DNAH14: variants seen among roughly 807,000 people sequenced by gnomAD.
The protein encoded by DNAH14 is dynein axonemal heavy chain 14.
Under a neutral mutation model 520.9 loss-of-function variants are expected in DNAH14, and 478 were observed. The ratio of observed to expected loss-of-function variants is 0.92; its 90% CI spans 0.85 to 0.99. DNAH14 has a LOEUF of 0.99. DNAH14 is among the 50% of genes least tolerant of loss of function. The pLI, the probability that DNAH14 is intolerant of heterozygous loss-of-function variation, is 0.00. For synonymous variants in DNAH14, 1,581 were observed against 1,757.2 expected, an observed-to-expected ratio of 0.90 and a Z score of 2.51; for missense variants, 4,831 against 5,234.5, an observed-to-expected ratio of 0.92 and a Z score of 2.38.
rs56104945 is a variant in DNAH14, at chr1:225,362,574, C to CAAAAAA, written c.11987+1693_11987+1698dup. Among the ~76,000 whole-genome samples, 9 of 120,962 alleles carry CAAAAAA rather than the reference C, an allele frequency of 7.4e-5. No individual in the cohort carries two copies. In the East Asian group the frequency reaches 1.2e-3, roughly 16 times the overall value. The allele number at this position is 120,962 out of a possible 152,430, so 79.4% of individuals were successfully genotyped here. A position where few individuals can be genotyped will look rare whatever the true frequency, so the allele number is the denominator to read the frequency against. ...TGGGCAACTGAGGAAGACTCAGTCTCAAAAAAAAAAAAAAATGCTCAGCAT... is the reference window on the plus strand; with the variant it reads ...TGGGCAACTGAGGAAGACTCAGTCTCAAAAAAAAAAAAAAAAAAAAATGCTCAGCAT... On this transcript the variant is annotated intron_variant, in intron 75 of 85. Transcript: ENST00000682510.
intron 17 of DNAH14, among the ~76,000 whole-genome samples, chr1:225,064,337 G>A (rs528322153): frequency 2.0e-5 from 3 of 152,100 alleles, no homozygotes; most frequent in South Asian, 4.1e-4. Context: ...ATGCAAAATG[G>A]TACAGTCACT....
chr1:225,209,369 C>A lies in DNAH14; in HGVS notation c.6439+2149C>A, dbSNP rs147209153. ...ACTTTAAATTTTCCATGCTCCTGTA[C>A]CTTTCCTGGCAATAGATTGCTGTTG... is the stretch of plus-strand genomic sequence containing the variant. On this transcript the variant is annotated intron_variant, in intron 41 of 85. Transcript: ENST00000682510. 5.1e-4 allele frequency among the ~76,000 whole-genome samples: 78 copies of A among 152,182 alleles called. No homozygotes were observed. In the East Asian group the frequency reaches 0.011, roughly 22 times the overall value.
chr1:225,356,593 A>T (rs1408167600), intron 73 of DNAH14, among the ~76,000 whole-genome samples: 1 of 152,198 alleles, frequency 6.6e-6, no homozygotes, highest in Non-Finnish European at 1.5e-5. Flanking sequence ...AATACAAAAT[A>T]CTGAATAATC....
intron 41 of DNAH14, among the ~76,000 whole-genome samples, chr1:225,211,640 A>G (rs993160456): frequency 1.3e-5 from 2 of 152,136 alleles, no homozygotes; most frequent in East Asian, 1.9e-4. Flanking sequence ...TTCAAGAAAT[A>G]CAGAGAACAA....
intron 10 of DNAH14, among the ~76,000 whole-genome samples, chr1:225,017,793 A>G (rs565838845): frequency 6.6e-6 from 1 of 152,248 alleles, no homozygotes; most frequent in African/African-American, 2.4e-5. Context: ...CATGCTGCCC[A>G]GGAGTGTTGA....
At position 225,272,081 on chromosome 1, in the gene DNAH14, T is replaced by C; in HGVS notation, c.7839+8T>C. The C allele has an allele frequency of 6.5e-7, 1 of 1,543,620 alleles. No homozygotes were observed. The highest frequency in any genetic ancestry group is 1.2e-5 in the South Asian group (1 of 82,854). The stretch of plus-strand genomic sequence containing the variant: ...CTTCGAGATATGTTTAAGGTTTGTT[T>C]TAATGTTCATTCTCTAGTTTATTTT... On this transcript the variant is annotated splice_region_variant and intron_variant, in intron 51 of 85. Transcript: ENST00000682510.
chr1:225,277,003 G>GAGGA lies in DNAH14; in HGVS notation c.8179-404_8179-403insAAGG, dbSNP rs1387457696. 9.8e-4 allele frequency among the ~76,000 whole-genome samples: 69 copies of GAGGA among 70,216 alleles called. 2 individuals are homozygous for GAGGA. In the East Asian group the frequency reaches 0.011, roughly 11 times the overall value. The allele number at this position is 70,216 out of a possible 152,430, so 46.1% of individuals were successfully genotyped here. A position where few individuals can be genotyped will look rare whatever the true frequency, so the allele number is the denominator to read the frequency against. On this transcript the variant is annotated intron_variant, in intron 53 of 85. Transcript: ENST00000682510. ...GAAGGAAGGGAGGGAGGAAGGAAGG[G>GAGGA]AGGGAGGGAGGGAGGGAGGGAGGGA...
intron 41 of DNAH14, among the ~76,000 whole-genome samples, chr1:225,209,842 A>C (rs1474249342): frequency 6.6e-6 from 1 of 152,180 alleles, no homozygotes; most frequent in Non-Finnish European, 1.5e-5. Context: ...AGTGTAGCCC[A>C]CAAAGGGCGA....
intron 60 of DNAH14, among the ~76,000 whole-genome samples, chr1:225,312,951 G>T (rs1314054997): frequency 6.6e-6 from 1 of 152,166 alleles, no homozygotes; most frequent in African/African-American, 2.4e-5. Flanking sequence ...GATGATGCTG[G>T]CCTCATAAAA....
intron 17 of DNAH14, among the ~76,000 whole-genome samples, chr1:225,071,941 G>A (rs2071598011): frequency 6.6e-6 from 1 of 152,118 alleles, no homozygotes; most frequent in Admixed American, 6.5e-5. Context: ...GTGAGATTTG[G>A]GTGGGGACAC....
intron 15 of DNAH14, among the ~76,000 whole-genome samples, chr1:225,047,268 A>G (rs2068049641): frequency 6.6e-6 from 1 of 152,060 alleles, no homozygotes; most frequent in South Asian, 2.1e-4. Context: ...TTTTCCTTAT[A>G]TCTAACTTTT....
chr1:225,372,483 T>C (rs1286390365), intron 77 of DNAH14, among the ~76,000 whole-genome samples: 1 of 152,132 alleles, frequency 6.6e-6, no homozygotes, highest in Non-Finnish European at 1.5e-5. Flanking sequence ...AAAAGGGATT[T>C]TCAAAAAGTA....
chr1:224,973,996 GA>G (rs1485395975), intron 7 of DNAH14, 94 bp from the exon 8 acceptor site: 3 of 726,988 alleles, frequency 4.1e-6, no homozygotes, highest in African/African-American at 3.7e-5. Context: ...ATATGTTCTA[GA>G]GAATATTCTG....
Position 225,276,029 on chromosome 1 carries a change from T to A in DNAH14, c.8126T>A (p.Leu2709His), listed in dbSNP as rs2093459265. The A allele has an allele frequency of 5.0e-6, 2 of 400,302 alleles. No homozygotes were observed. The highest frequency in any genetic ancestry group is 1.0e-5 in the Non-Finnish European group (2 of 199,266). 24.8% of individuals were successfully genotyped at this position (400,302 alleles called of 1,614,324 possible). Residue 2709 changes from leucine (L) to histidine (H), a missense_variant, in exon 53 of 86, where the codon CTT becomes CAT. Leu to His is a moderately conservative substitution (Grantham distance 99). Coordinates refer to ENST00000682510, the MANE Select transcript of DNAH14 (RefSeq NM_001367479.1). ...IYQNTSDYNK[L>H]ASVLDEFQMK... Reference sequence around the variant, plus strand: ...CAGAATACCAGTGACTATAATAAACTTGCCAGTGTACTTGATGAATTCCAA... The same window carrying A: ...CAGAATACCAGTGACTATAATAAACATGCCAGTGTACTTGATGAATTCCAA...
At chr1:225,260,017 A>ATT (rs1418807560) in intron 46 of DNAH14, among the ~76,000 whole-genome samples, 1 of 151,970 alleles carries the variant, frequency 6.6e-6, no homozygotes, top group Non-Finnish European at 1.5e-5. Flanking sequence ...ATAGTATTCC[A>ATT]TTATATATAT....
chr1:225,183,608 A>T (rs987150343), intron 36 of DNAH14, among the ~76,000 whole-genome samples: 2 of 152,076 alleles, frequency 1.3e-5, no homozygotes, highest in Non-Finnish European at 1.5e-5. Context: ...CCAAAAATCT[A>T]TACAAAGGAT....
intron 46 of DNAH14, among the ~76,000 whole-genome samples, chr1:225,260,008 T>C (rs993378648): frequency 6.6e-6 from 1 of 152,092 alleles, no homozygotes. Flanking sequence ...AAAGACTAAA[T>C]AGTATTCCAT....
At chr1:225,162,958 G>A (rs959622858) in intron 35 of DNAH14, among the ~76,000 whole-genome samples, 2 of 151,962 alleles carry the variant, frequency 1.3e-5, no homozygotes, top group South Asian at 4.2e-4. Context: ...TCAACATGGT[G>A]AAACCTTGTC....
At chr1:225,205,235 G>C (rs1482326959) in intron 39 of DNAH14, among the ~76,000 whole-genome samples, 7 of 152,096 alleles carry the variant, frequency 4.6e-5, no homozygotes, top group Non-Finnish European at 1.0e-4. Context: ...TTAGGAGGCA[G>C]GGGGCCTTGG....
Sources: gnomAD v4.1 joint callset for allele counts (sites outside exome capture counted in the v4.1 genomes callset) on GRCh38, gnomAD v4.1.1 for gene constraint, MANE v1.5 for transcripts, NCBI Gene and HGNC (gene_info 2026-07-23, HGNC 2026-07-21) for gene names.